The following ERC2 variants were observed in gnomAD, a reference collection of about 807,000 sequenced individuals.
The protein encoded by ERC2 is ERC protein 2.
In ERC2, 42 loss-of-function variants were observed where a neutral mutation model predicts 114.8. The observed-to-expected ratio is 0.37, with a 90% CI of 0.29 to 0.47. The LOEUF is 0.47. Among genes scored for constraint, ERC2 ranks in the 20% least tolerant of loss-of-function variants. ERC2 has a pLI of 0.99. For synonymous variants in ERC2, 454 were observed against 425.5 expected (o/e 1.07, Z -0.82); for missense variants, 939 against 1,150.7 (o/e 0.82, Z 2.66).
At chr3:56,106,565 C>T (rs1201034931) in intron 6 of ERC2, among the ~76,000 whole-genome samples, 1 of 152,028 alleles carries the variant, frequency 6.6e-6, no homozygotes, top group East Asian at 1.9e-4. Flanking sequence ...AAAAATAGCC[C>T]AGAGGTTAGG....
intron 17 of ERC2, among the ~76,000 whole-genome samples, chr3:55,660,585 G>A (rs1469981065): frequency 1.3e-5 from 2 of 152,056 alleles, no homozygotes; most frequent in African/African-American, 4.8e-5. Flanking sequence ...CAAGGTTAAA[G>A]GGCTTTATGT....
intron 14 of ERC2, among the ~76,000 whole-genome samples, chr3:55,792,346 T>C (rs1435292811): frequency 6.6e-6 from 1 of 152,156 alleles, no homozygotes; most frequent in Non-Finnish European, 1.5e-5. Context: ...ATTGTTTAGC[T>C]CTCGAAGCTA....
chr3:55,972,970 AG>A (rs748573428), intron 12 of ERC2, among the ~76,000 whole-genome samples: 1 of 152,176 alleles, frequency 6.6e-6, no homozygotes, highest in African/African-American at 2.4e-5. Flanking sequence ...ATGGGGAATG[AG>A]GGGGTAGAGT....
At chr3:56,033,871 C>T (rs2149635965) in intron 7 of ERC2, among the ~76,000 whole-genome samples, 1 of 152,252 alleles carries the variant, frequency 6.6e-6, no homozygotes, top group Non-Finnish European at 1.5e-5. Flanking sequence ...TCATGGCTCA[C>T]TGTAGCCTTG....
chr3:56,211,730 C>T (rs186364833), intron 3 of ERC2, among the ~76,000 whole-genome samples: 1 of 152,288 alleles, frequency 6.6e-6, no homozygotes. Flanking sequence ...ACCAAAACAG[C>T]ATAATACTGG....
intron 2 of ERC2, among the ~76,000 whole-genome samples, chr3:56,405,368 G>A (rs6768638): frequency 0.86 from 130,965 of 151,976 alleles, 56,604 homozygotes; most frequent in East Asian, 0.94. Context: ...CAGAGGTTGC[G>A]GTGAGCCAAA....
At chr3:56,125,421 GC>G (rs1313591717) in intron 6 of ERC2, among the ~76,000 whole-genome samples, 1 of 152,142 alleles carries the variant, frequency 6.6e-6, no homozygotes, top group Non-Finnish European at 1.5e-5. Context: ...ATGATGTCAA[GC>G]AAAAATCGTG....
intron 17 of ERC2, among the ~76,000 whole-genome samples, chr3:55,600,252 A>T (rs2058337637): frequency 6.6e-6 from 1 of 152,262 alleles, no homozygotes; most frequent in African/African-American, 2.4e-5. Flanking sequence ...GCAATAAATT[A>T]ATGCAATGAA....
At chr3:55,625,476 G>T (rs1363505434) in intron 17 of ERC2, among the ~76,000 whole-genome samples, 1 of 151,892 alleles carries the variant, frequency 6.6e-6, no homozygotes, top group African/African-American at 2.4e-5. Flanking sequence ...AGGAGGCTGG[G>T]CGTGGTAGCT....
At chr3:56,176,983 G>T (rs1418831973) in intron 3 of ERC2, among the ~76,000 whole-genome samples, 3 of 152,218 alleles carry the variant, frequency 2.0e-5, no homozygotes, top group Admixed American at 6.5e-5. Flanking sequence ...CTAGCTAGAA[G>T]TGAAGGACTT....
chr3:56,330,594 T>A (rs578000525), intron 2 of ERC2, among the ~76,000 whole-genome samples: 205 of 152,254 alleles, frequency 1.3e-3, no homozygotes, highest in African/African-American at 4.8e-3. Flanking sequence ...AGTCCCCAAC[T>A]TACACAGGCT....
At chr3:56,393,340 G>GT (rs1463409807) in intron 2 of ERC2, among the ~76,000 whole-genome samples, 2 of 152,190 alleles carry the variant, frequency 1.3e-5, no homozygotes, top group African/African-American at 4.8e-5. Flanking sequence ...AGAAGTTGTA[G>GT]TTAGCCGAGA....
chr3:55,899,833 T>C (rs939162818), intron 13 of ERC2, among the ~76,000 whole-genome samples: 3 of 152,218 alleles, frequency 2.0e-5, no homozygotes, highest in Admixed American at 6.5e-5. Context: ...TTTGTACTTA[T>C]TGATAAAAAT....
At chr3:56,196,256 T>C (rs2048095028) in intron 3 of ERC2, among the ~76,000 whole-genome samples, 1 of 152,092 alleles carries the variant, frequency 6.6e-6, no homozygotes, top group South Asian at 2.1e-4. Context: ...ACGTGCTCAT[T>C]AGACAAAGTT....
At chr3:56,079,526 A>G (rs2149753268) in intron 7 of ERC2, among the ~76,000 whole-genome samples, 1 of 152,308 alleles carries the variant, frequency 6.6e-6, no homozygotes, top group East Asian at 1.9e-4. Flanking sequence ...GACTGGCCAG[A>G]GGGAGCCCAA....
At chr3:55,672,438 G>T (rs1031715398) in intron 17 of ERC2, among the ~76,000 whole-genome samples, 2 of 151,872 alleles carry the variant, frequency 1.3e-5, no homozygotes, top group Non-Finnish European at 2.9e-5. Flanking sequence ...AGCTGGCCAA[G>T]AGTCACATGT....
intron 2 of ERC2, among the ~76,000 whole-genome samples, chr3:56,363,727 T>C (rs929530015): frequency 6.6e-6 from 1 of 151,460 alleles, no homozygotes; most frequent in Non-Finnish European, 1.5e-5. Flanking sequence ...CTTTAGTCTA[T>C]ATACCTGTGC....
chr3:56,362,566 T>C (rs2058999092), intron 2 of ERC2, among the ~76,000 whole-genome samples: 1 of 152,184 alleles, frequency 6.6e-6, no homozygotes, highest in Non-Finnish European at 1.5e-5. Context: ...TACTCCGAAT[T>C]ATTGATTTTG....
At chr3:55,979,775 G>T (rs1192902683) in intron 12 of ERC2, among the ~76,000 whole-genome samples, 1 of 145,482 alleles carries the variant, frequency 6.9e-6, no homozygotes. Flanking sequence ...CCCCACCTCT[G>T]CAAAAAAAAA....
Sources: allele counts gnomAD v4.1 joint callset (sites outside exome capture counted in the v4.1 genomes callset), GRCh38; gene constraint gnomAD v4.1.1; transcripts MANE v1.5; gene names NCBI Gene and HGNC (gene_info 2026-07-23, HGNC 2026-07-21).